The following TRIO variants were observed in gnomAD, a reference collection of about 807,000 sequenced individuals.
The protein encoded by TRIO is trio Rho guanine nucleotide exchange factor, also known as triple functional domain protein.
A neutral mutation model predicts 351.9 loss-of-function variants in TRIO; 58 were observed. The observed-to-expected ratio is 0.16, with a 90% CI of 0.13 to 0.21. The LOEUF (loss-of-function observed/expected upper bound fraction) is 0.21. TRIO is among the 10% of genes least tolerant of loss of function. The pLI, the probability that TRIO is intolerant of heterozygous loss-of-function variation, is 1.00. For missense variants in TRIO, 3,201 were observed against 4,027.8 expected, an observed-to-expected ratio of 0.79 and a Z score of 5.56; for synonymous variants, 1,758 against 1,595.7, an observed-to-expected ratio of 1.10 and a Z score of -2.42.
At chr5:14,479,476 C>T (rs889324302) in intron 42 of TRIO, 126 bp downstream of exon 42, 6 of 733,382 alleles carry the variant, frequency 8.2e-6, no homozygotes, top group Non-Finnish European at 1.3e-5. Context: ...AGTGATAAGA[C>T]TTCTGAACCT....
In TRIO at chr5:14,268,496, G is replaced by A. The variant is rs982700814; in HGVS notation, c.158-2329G>A. On this transcript the variant is annotated intron_variant, in intron 1 of 56. Transcript: ENST00000344204. ...TCTCTCTAGTGTCGGAGCCAGGGCT[G>A]CAGTTGGTGGTGACATTTCTCTGTC... 3.3e-5 allele frequency among the ~76,000 whole-genome samples: 5 copies of A among 152,312 alleles called. No individual in the cohort carries two copies. The South Asian group carries it at 1.0e-3, about 32-fold the overall frequency.
At chr5:14,434,032 G>A (rs1327206147) in intron 34 of TRIO, among the ~76,000 whole-genome samples, 1 of 151,926 alleles carries the variant, frequency 6.6e-6, no homozygotes, top group African/African-American at 2.4e-5. Flanking sequence ...GACTCCTTTT[G>A]GCAGAAATTA....
chr5:14,372,924 G>C (rs1474434616), intron 18 of TRIO, among the ~76,000 whole-genome samples: 1 of 152,186 alleles, frequency 6.6e-6, no homozygotes, highest in Non-Finnish European at 1.5e-5. Context: ...ATTTATAAAA[G>C]AAAGAGGTTT....
intron 15 of TRIO, among the ~76,000 whole-genome samples, chr5:14,365,441 C>T (rs780806568): frequency 1.2e-4 from 19 of 152,138 alleles, no homozygotes; most frequent in Non-Finnish European, 2.1e-4. Flanking sequence ...GCCTCTGGAC[C>T]ATGAGCAGGA....
At chr5:14,212,494 C>T (rs959109091) in intron 1 of TRIO, among the ~76,000 whole-genome samples, 1 of 152,192 alleles carries the variant, frequency 6.6e-6, no homozygotes, top group Non-Finnish European at 1.5e-5. Context: ...CATTGAACCT[C>T]AGATGTCTCA....
intron 8 of TRIO, among the ~76,000 whole-genome samples, chr5:14,306,947 C>G (rs142139749): frequency 5.3e-5 from 8 of 152,290 alleles, no homozygotes; most frequent in Admixed American, 5.2e-4. Flanking sequence ...TAAACAGCCT[C>G]TCAAACTGAG....
At chr5:14,361,920 C>A (rs1379637462) in intron 13 of TRIO, among the ~76,000 whole-genome samples, 2 of 152,170 alleles carry the variant, frequency 1.3e-5, no homozygotes, top group Non-Finnish European at 2.9e-5. Context: ...GAGTTCGAGA[C>A]CAGCCTGGTC....
chr5:14,304,403 G>A, intron 7 of TRIO, 58 bp from the exon 8 acceptor site: 1 of 1,536,796 alleles, frequency 6.5e-7, no homozygotes, highest in South Asian at 1.2e-5. Context: ...GTTAAAAAAT[G>A]TCCACTTCTC....
chr5:14,459,909 CT>C (rs926658009), intron 34 of TRIO, among the ~76,000 whole-genome samples: 1 of 151,690 alleles, frequency 6.6e-6, no homozygotes, highest in South Asian at 2.1e-4. Context: ...CATTTCTTTT[CT>C]TTTTTTTCTT....
chr5:14,502,501 G>A (rs1757366736), intron 53 of TRIO, 78 bp from the exon 54 acceptor site: 1 of 1,454,042 alleles, frequency 6.9e-7, no homozygotes, highest in South Asian at 1.1e-5. Context: ...TGCTGTGAGG[G>A]ACAGTGCGTG....
At chr5:14,421,945 C>T (rs914098019) in intron 34 of TRIO, among the ~76,000 whole-genome samples, 2 of 152,208 alleles carry the variant, frequency 1.3e-5, no homozygotes, top group Non-Finnish European at 2.9e-5. Flanking sequence ...TGCTCAGCCC[C>T]ACAGTCCTCC....
At chr5:14,349,461 A>G (rs1424158357) in intron 11 of TRIO, among the ~76,000 whole-genome samples, 1 of 152,096 alleles carries the variant, frequency 6.6e-6, no homozygotes, top group Non-Finnish European at 1.5e-5. Context: ...AGACTATTTT[A>G]GAGGAGTCAT....
chr5:14,504,080 C>T (rs761630687), intron 54 of TRIO, among the ~76,000 whole-genome samples: 3 of 152,364 alleles, frequency 2.0e-5, no homozygotes, highest in East Asian at 1.9e-4. Flanking sequence ...AGAAGGGAGT[C>T]GCCCGGCAAG....
chr5:14,421,961 C>G (rs1750200733), intron 34 of TRIO, among the ~76,000 whole-genome samples: 1 of 152,196 alleles, frequency 6.6e-6, no homozygotes. Flanking sequence ...CCTCCCCCTT[C>G]TCCTGCCCTG....
chr5:14,329,845 C>T (rs1460593706), intron 9 of TRIO, among the ~76,000 whole-genome samples: 7 of 152,172 alleles, frequency 4.6e-5, no homozygotes, highest in Non-Finnish European at 7.3e-5. Context: ...TGATCGCCCA[C>T]ATATACCAAA....
chr5:14,290,853 T>C lies in TRIO; in HGVS notation c.678T>C (p.Asn226=). The C allele has an allele frequency of 6.2e-7, 1 of 1,614,166 alleles. No individual in the cohort carries two copies. The highest frequency in any genetic ancestry group is 1.7e-5 in the Admixed American group (1 of 60,026). The part of the protein sequence containing the change: ...IRVAFEDYIS[N]ATHMLSRLEE... ...TTGCTTTTGAAGACTACATTAGCAATGCCACCCACATGCTGTCTCGGCTGG... is the reference window on the plus strand; with the variant it reads ...TTGCTTTTGAAGACTACATTAGCAACGCCACCCACATGCTGTCTCGGCTGG... The change falls in exon 5 of 57, where the codon AAT becomes AAC. Residue 226 remains asparagine (N), a synonymous_variant. Coordinates refer to ENST00000344204, the MANE Select transcript of TRIO (RefSeq NM_007118.4).
chr5:14,456,149 G>A (rs978450924), intron 34 of TRIO, among the ~76,000 whole-genome samples: 3 of 152,266 alleles, frequency 2.0e-5, no homozygotes, highest in Non-Finnish European at 4.4e-5. Context: ...AGTGGCGCTG[G>A]CTGGCCACTC....
chr5:14,409,416 A>T (rs138912384), intron 33 of TRIO, among the ~76,000 whole-genome samples: 1,828 of 150,948 alleles, frequency 0.012, 47 homozygotes, highest in African/African-American at 0.042. Flanking sequence ...CTAGCAGTCC[A>T]CTAGGGTATG....
At chr5:14,398,100 T>C (rs984246240) in intron 29 of TRIO, among the ~76,000 whole-genome samples, 2 of 152,156 alleles carry the variant, frequency 1.3e-5, no homozygotes, top group Non-Finnish European at 2.9e-5. Flanking sequence ...TTTTAACTGT[T>C]CCTGGGGCTG....
Sources: gnomAD v4.1 joint callset for allele counts (sites outside exome capture counted in the v4.1 genomes callset) on GRCh38, gnomAD v4.1.1 for gene constraint, MANE v1.5 for transcripts, NCBI Gene and HGNC (gene_info 2026-07-23, HGNC 2026-07-21) for gene names.